The following OCRL variants were observed in gnomAD, a reference collection of about 807,000 sequenced individuals.
The protein encoded by OCRL is OCRL inositol polyphosphate-5-phosphatase.
A neutral mutation model predicts 78.9 loss-of-function variants in OCRL; 8 were observed. The ratio of observed to expected loss-of-function variants is 0.10; its 90% CI spans 0.06 to 0.18. The LOEUF (loss-of-function observed/expected upper bound fraction) is 0.18. Ranked by LOEUF, OCRL falls within the 10% of genes least tolerant of loss-of-function variation. The pLI is 1.00. For missense variants in OCRL, 454 were observed against 696.7 expected, an observed-to-expected ratio of 0.65 and a Z score of 3.92; for synonymous variants, 240 against 235.4, an observed-to-expected ratio of 1.02 and a Z score of -0.18.
At chrX:129,545,094 A>G in intron 3 of OCRL, 57 bp downstream of exon 3, 1 of 622,909 alleles carries the variant, frequency 1.6e-6, no homozygotes, top group Non-Finnish European at 2.7e-6. Context: ...TCATTACTGC[A>G]TTATGTAATA....
chrX:129,568,105 A>T (rs1813492361), intron 14 of OCRL, among the ~76,000 whole-genome samples: 1 of 108,054 alleles, frequency 9.3e-6, no homozygotes, highest in African/African-American at 3.4e-5. Context: ...TTTAGTAGAG[A>T]CGGGGTTTCA....
At chrX:129,566,681 A>G (rs1035355033) in intron 13 of OCRL, among the ~76,000 whole-genome samples, 5 of 112,507 alleles carry the variant, frequency 4.4e-5, no homozygotes, top group Non-Finnish European at 9.4e-5. Context: ...GGTGATTTGC[A>G]GCAGAATGGT....
chrX:129,554,744 T>G (rs28432713), intron 4 of OCRL, among the ~76,000 whole-genome samples: 24,720 of 107,907 alleles, frequency 0.23, 5,080 homozygotes, highest in East Asian at 0.75. Context: ...ACGAGGCCAG[T>G]AGTTTGAGAC....
chrX:129,581,993 A>G (rs1248815037), intron 18 of OCRL, among the ~76,000 whole-genome samples: 1 of 107,191 alleles, frequency 9.3e-6, no homozygotes, highest in African/African-American at 3.4e-5. Flanking sequence ...CCTGCTGAAT[A>G]CAATCCAAAT....
At position 129,577,114 on chromosome X, in the gene OCRL, G is replaced by A. The variant is rs987378670; in HGVS notation, c.2115+562G>A. Among the ~76,000 whole-genome samples, 2 of 111,424 alleles carry A rather than the reference G, an allele frequency of 1.8e-5. 1 individual carries two copies. The highest frequency in any genetic ancestry group is 3.8e-5 in the Non-Finnish European group (2 of 53,048). ...ACTATCCTGGAACCCTGGAGTACCT[G>A]AATCAGAATCCCTGGGGGTGCTTAT... On this transcript the variant is annotated intron_variant, in intron 18 of 23. Coordinates refer to ENST00000371113, the MANE Select transcript of OCRL (RefSeq NM_000276.4).
intron 19 of OCRL, among the ~76,000 whole-genome samples, chrX:129,585,464 T>A (rs186152109): frequency 8.9e-6 from 1 of 112,323 alleles, no homozygotes; most frequent in Admixed American, 9.4e-5. Context: ...AATTTCTATA[T>A]GGCAAGTTTG....
At chrX:129,564,342 A>C (rs1380220457) in intron 12 of OCRL, among the ~76,000 whole-genome samples, 1 of 109,593 alleles carries the variant, frequency 9.1e-6, no homozygotes, top group East Asian at 2.9e-4. Flanking sequence ...AACTAGAAAT[A>C]CCATTTGACC....
At chrX:129,553,518 G>T (rs1230001224) in intron 4 of OCRL, among the ~76,000 whole-genome samples, 1 of 111,998 alleles carries the variant, frequency 8.9e-6, no homozygotes, top group African/African-American at 3.2e-5. Flanking sequence ...GAAAGGGAAA[G>T]CGTTAAGGAT....
At chrX:129,571,490 G>A (rs1260951305) in intron 15 of OCRL, among the ~76,000 whole-genome samples, 1 of 103,954 alleles carries the variant, frequency 9.6e-6, no homozygotes, top group East Asian at 3.2e-4. Flanking sequence ...TCAGCCTCCC[G>A]CCCAGCTAAT....
intron 19 of OCRL, chrX:129,586,794 G>A: frequency 1.9e-6 from 1 of 535,311 alleles, no homozygotes; most frequent in Non-Finnish European, 3.4e-6. Flanking sequence ...ACAATTAAGT[G>A]AAGCATTTAG....
chrX:129,560,082 C>A (rs1185176683), intron 8 of OCRL, among the ~76,000 whole-genome samples: 1 of 112,246 alleles, frequency 8.9e-6, no homozygotes, highest in Non-Finnish European at 1.9e-5. Context: ...TGCTTTCCCC[C>A]TTAATACTAT....
intron 4 of OCRL, among the ~76,000 whole-genome samples, chrX:129,550,316 T>C (rs1356563211): frequency 2.7e-5 from 3 of 112,346 alleles, no homozygotes; most frequent in Non-Finnish European, 3.8e-5. Context: ...TCATATGCAG[T>C]TTTTATCCTG....
chrX:129,564,065 T>C (rs1247870694), intron 12 of OCRL, among the ~76,000 whole-genome samples: 1 of 109,625 alleles, frequency 9.1e-6, no homozygotes, highest in Non-Finnish European at 1.9e-5. Context: ...GCAAAGGACA[T>C]GAACAGACAC....
At position 129,591,273 on chromosome X, in the gene OCRL, A is replaced by G. The variant is rs994450286; in HGVS notation, c.*1003A>G. 2 of 112,980 alleles carry G rather than the reference A, an allele frequency of 1.8e-5. No homozygotes were observed. The highest frequency in any genetic ancestry group is 5.7e-4 in the East Asian group (2 of 3,537). 9.3% of individuals were successfully genotyped at this position (112,980 alleles called of 1,213,427 possible). A position where few individuals can be genotyped will look rare whatever the true frequency, so the allele number is the denominator to read the frequency against. ...AGAATCCATTCTCTGGTCTTCTGAA[A>G]TACCAAGGGCAGATGTCACCTCCTT... On this transcript the variant is annotated 3_prime_UTR_variant, in exon 24 of 24. Coordinates refer to ENST00000371113, the MANE Select transcript of OCRL (RefSeq NM_000276.4).
At chrX:129,548,677 T>A in intron 4 of OCRL, 76 bp downstream of exon 4, 1 of 854,289 alleles carries the variant, frequency 1.2e-6, no homozygotes. Flanking sequence ...TTAAGACACC[T>A]TTTGGGGCAC....
chrX:129,560,197 C>G (rs1161214901), intron 8 of OCRL, among the ~76,000 whole-genome samples: 2 of 112,186 alleles, frequency 1.8e-5, no homozygotes, highest in Non-Finnish European at 3.8e-5. Context: ...CCATATTTGA[C>G]TAGCTTACAG....
intron 2 of OCRL, among the ~76,000 whole-genome samples, chrX:129,543,113 C>G (rs936399829): frequency 1.8e-5 from 2 of 112,007 alleles, no homozygotes; most frequent in African/African-American, 6.5e-5. Flanking sequence ...ATTTGTCACT[C>G]TTTTCTGTTT....
intron 2 of OCRL, among the ~76,000 whole-genome samples, chrX:129,544,632 C>G (rs1450366637): frequency 8.9e-6 from 1 of 112,113 alleles, no homozygotes; most frequent in Non-Finnish European, 1.9e-5. Flanking sequence ...GGTCCCTGCA[C>G]TCATGGACTT....
At chrX:129,574,433 A>C (rs1030494301) in intron 15 of OCRL, among the ~76,000 whole-genome samples, 39 of 112,327 alleles carry the variant, frequency 3.5e-4, no homozygotes, top group Non-Finnish European at 1.5e-4. Flanking sequence ...ATGTGTTTAT[A>C]CGTTGTCATG....
Sources: gnomAD v4.1 joint callset for allele counts (sites outside exome capture counted in the v4.1 genomes callset) on GRCh38, gnomAD v4.1.1 for gene constraint, MANE v1.5 for transcripts, NCBI Gene and HGNC (gene_info 2026-07-23, HGNC 2026-07-21) for gene names.